The following BMPER variants were observed in gnomAD, a reference collection of about 807,000 sequenced individuals.
BMPER encodes BMP binding endothelial regulator, also known as BMP-binding endothelial regulator protein.
In BMPER, 45 loss-of-function variants were observed where a neutral mutation model predicts 87.3. That is an observed-to-expected ratio of 0.52 (90% CI 0.41 to 0.66). BMPER has a LOEUF of 0.66. Among genes scored for constraint, BMPER ranks in the 30% least tolerant of loss-of-function variants. The pLI, the probability that BMPER is intolerant of heterozygous loss-of-function variation, is 0.00. For missense variants in BMPER, 784 were observed against 867.5 expected (o/e 0.90, Z 1.21); for synonymous variants, 326 against 316.2 (o/e 1.03, Z -0.33).
Position 34,005,440 on chromosome 7 carries a change from T to C in BMPER, c.576+30656T>C, listed in dbSNP as rs186569355. Among the ~76,000 whole-genome samples, 482 of 152,174 alleles carry C rather than the reference T, an allele frequency of 3.2e-3. 2 individuals are homozygous for C. The highest frequency in any genetic ancestry group is 0.011 in the African/African-American group (447 of 41,548). On this transcript the variant is annotated intron_variant, in intron 6 of 14. Transcript: ENST00000649409. ...GATAGCTCTGACAATGTTGACTTTT[T>C]ACATTTTTTTTAATTTTTATTTTTA...
At chr7:33,933,923 T>G (rs1024800635) in intron 2 of BMPER, among the ~76,000 whole-genome samples, 2 of 152,230 alleles carry the variant, frequency 1.3e-5, no homozygotes, top group African/African-American at 4.8e-5. Context: ...TGGCGATCAT[T>G]GGGAATTTTT....
chr7:33,967,507 A>G (rs1785435376), intron 4 of BMPER, among the ~76,000 whole-genome samples: 1 of 152,220 alleles, frequency 6.6e-6, no homozygotes, highest in South Asian at 2.1e-4. Context: ...ACCTTCAGCT[A>G]TTTATTCAGT....
intron 6 of BMPER, among the ~76,000 whole-genome samples, chr7:33,996,173 G>A (rs1289461858): frequency 6.6e-6 from 1 of 152,068 alleles, no homozygotes; most frequent in East Asian, 1.9e-4. Flanking sequence ...TGAAAAAGTC[G>A]CTTTAGTAAA....
At chr7:33,956,922 C>A (rs955675080) in intron 3 of BMPER, among the ~76,000 whole-genome samples, 1 of 152,110 alleles carries the variant, frequency 6.6e-6, no homozygotes, top group Non-Finnish European at 1.5e-5. Context: ...GGTCAAGGGT[C>A]AACTGTAGAG....
intron 2 of BMPER, among the ~76,000 whole-genome samples, chr7:33,922,822 T>A (rs1476526885): frequency 1.3e-5 from 2 of 151,394 alleles, no homozygotes; most frequent in African/African-American, 2.4e-5. Context: ...TAGTAAATAT[T>A]TTTTTTTTAC....
chr7:33,926,535 T>C (rs1318408863), intron 2 of BMPER, among the ~76,000 whole-genome samples: 1 of 152,254 alleles, frequency 6.6e-6, no homozygotes, highest in Non-Finnish European at 1.5e-5. Context: ...ATCTCAGAAA[T>C]GGATTATTTG....
At chr7:34,138,222 A>G (rs56910223) in intron 13 of BMPER, among the ~76,000 whole-genome samples, 1,649 of 152,272 alleles carry the variant, frequency 0.011, 32 homozygotes, top group African/African-American at 0.039. Context: ...CTGTAGTTTG[A>G]TGCGGGAAAA....
intron 13 of BMPER, among the ~76,000 whole-genome samples, chr7:34,114,041 A>T (rs969622094): frequency 8.5e-5 from 13 of 152,134 alleles, no homozygotes; most frequent in African/African-American, 3.1e-4. Flanking sequence ...TCTGCTTTTA[A>T]TCTAGAGGGA....
At chr7:33,924,272 G>T (rs1349103567) in intron 2 of BMPER, among the ~76,000 whole-genome samples, 4 of 152,182 alleles carry the variant, frequency 2.6e-5, no homozygotes, top group African/African-American at 7.2e-5. Context: ...CTAACTACCT[G>T]TTACTGCTCT....
intron 13 of BMPER, among the ~76,000 whole-genome samples, chr7:34,139,641 G>A (rs914146740): frequency 3.3e-5 from 5 of 152,276 alleles, no homozygotes; most frequent in South Asian, 2.1e-4. Context: ...GGATTTGGTC[G>A]TATCTGTTTT....
At chr7:33,914,282 A>C (rs1784038976) in intron 2 of BMPER, among the ~76,000 whole-genome samples, 1 of 152,156 alleles carries the variant, frequency 6.6e-6, no homozygotes, top group Non-Finnish European at 1.5e-5. Flanking sequence ...CAATTTTTAT[A>C]CATTAATCAG....
chr7:34,040,051 G>A (rs1787795377), intron 6 of BMPER, among the ~76,000 whole-genome samples: 1 of 152,032 alleles, frequency 6.6e-6, no homozygotes, highest in Non-Finnish European at 1.5e-5. Flanking sequence ...GGGGAACAAT[G>A]GGATGAGAGT....
chr7:34,019,604 A>G (rs1787126768), intron 6 of BMPER, among the ~76,000 whole-genome samples: 1 of 151,984 alleles, frequency 6.6e-6, no homozygotes, highest in Admixed American at 6.6e-5. Context: ...CTCATATCTG[A>G]TGGAGTTTAG....
At chr7:34,129,666 AAG>A (rs1491454304) in intron 13 of BMPER, among the ~76,000 whole-genome samples, 6 of 151,020 alleles carry the variant, frequency 4.0e-5, no homozygotes, top group African/African-American at 1.5e-4. Flanking sequence ...GAAAGAAAGA[AAG>A]AAAGAAAGAA....
At chr7:34,122,435 C>T (rs1261639001) in intron 13 of BMPER, among the ~76,000 whole-genome samples, 1 of 152,156 alleles carries the variant, frequency 6.6e-6, no homozygotes, top group African/African-American at 2.4e-5. Context: ...TGAGGGTCTG[C>T]ATTTCTAACA....
At chr7:34,038,540 A>G (rs1297520141) in intron 6 of BMPER, among the ~76,000 whole-genome samples, 1 of 152,208 alleles carries the variant, frequency 6.6e-6, no homozygotes, top group Non-Finnish European at 1.5e-5. Flanking sequence ...GCAGCAATAG[A>G]AAACTTAATA....
At chr7:33,906,554 T>C (rs1272844541) in intron 1 of BMPER, among the ~76,000 whole-genome samples, 2 of 152,204 alleles carry the variant, frequency 1.3e-5, no homozygotes, top group Non-Finnish European at 2.9e-5. Context: ...AGTGAAATAC[T>C]TGGAATTGTG....
In BMPER at chr7:33,906,447, G is replaced by T. The variant is rs191529048; in HGVS notation, c.134-371G>T. On this transcript the variant is annotated intron_variant, in intron 1 of 14. Transcript: ENST00000649409. Reference sequence around the variant, plus strand: ...AATTTAAAATCTGCCCCAATTTGAGGGTTTTTTTAAATTTTATTTTTTATT... The same window carrying T: ...AATTTAAAATCTGCCCCAATTTGAGTGTTTTTTTAAATTTTATTTTTTATT... Among the ~76,000 whole-genome samples the T allele has an allele frequency of 3.3e-4, 46 of 137,960 alleles. No individual in the cohort carries two copies. In the East Asian group the frequency reaches 4.6e-3, roughly 14 times the overall value. The allele number at this position is 137,960 out of a possible 152,430, so 90.5% of individuals were successfully genotyped here.
In BMPER at chr7:34,155,151, C is replaced by G. The variant is rs886062305; in HGVS notation, c.*1878C>G. The G allele has an allele frequency of 6.6e-6, 1 of 152,164 alleles. No homozygotes were observed. Among genetic ancestry groups the G allele is most frequent in the Non-Finnish European group, 1.5e-5 (1 of 68,038 alleles). 9.4% of individuals were successfully genotyped at this position (152,164 alleles called of 1,614,324 possible). On this transcript the variant is annotated 3_prime_UTR_variant, in exon 15 of 15. Transcript: ENST00000649409. The stretch of plus-strand genomic sequence containing the variant: ...CTGAGGGTTTGCAAATACTTTCCTA[C>G]TTGTAATCTCATTGATTCCCTGCTC...
Sources: gnomAD v4.1 joint callset for allele counts (sites outside exome capture counted in the v4.1 genomes callset) on GRCh38, gnomAD v4.1.1 for gene constraint, MANE v1.5 for transcripts, NCBI Gene and HGNC (gene_info 2026-07-23, HGNC 2026-07-21) for gene names.